The following CNDP1 variants were observed in gnomAD, a reference collection of about 807,000 sequenced individuals.
The protein encoded by CNDP1 is beta-Ala-His dipeptidase.
CNDP1 carries 44 observed loss-of-function variants against 58.1 expected under a neutral mutation model. That is an observed-to-expected ratio of 0.76 (90% CI 0.60 to 0.97). CNDP1 has a LOEUF of 0.97. Among genes scored for constraint, CNDP1 ranks in the 50% least tolerant of loss-of-function variants. CNDP1 has a pLI of 0.00. For synonymous variants in CNDP1, 254 were observed against 252.6 expected, an observed-to-expected ratio of 1.01 and a Z score of -0.05; for missense variants, 616 against 655.1, an observed-to-expected ratio of 0.94 and a Z score of 0.65.
rs558031914 is a variant in CNDP1, at chr18:74,534,607, T to G, written c.-61T>G. ...CACCCTCTTGGGGCTTTCATGGGACTCCCTCTGCCACATTTTTTGGAGGTT... is the reference window on the plus strand; with the variant it reads ...CACCCTCTTGGGGCTTTCATGGGACGCCCTCTGCCACATTTTTTGGAGGTT... On this transcript the variant is annotated 5_prime_UTR_variant, in exon 1 of 12. Transcript: ENST00000358821. The G allele has an allele frequency of 4.5e-4, 710 of 1,581,696 alleles. 3 individuals are homozygous for G. The South Asian group carries it at 7.4e-3, about 17-fold the overall frequency.
intron 2 of CNDP1, among the ~76,000 whole-genome samples, chr18:74,557,962 T>G (rs2144653791): frequency 6.6e-6 from 1 of 152,324 alleles, no homozygotes; most frequent in Admixed American, 6.5e-5. Context: ...TTAATCCTGG[T>G]TTAGGCCTTT....
Position 74,585,603 on chromosome 18 carries a change from A to C in CNDP1, c.*1041A>C, listed in dbSNP as rs1471876807. 1 of 152,230 alleles carries C rather than the reference A, an allele frequency of 6.6e-6. No homozygotes were observed. Among genetic ancestry groups the C allele is most frequent in the Non-Finnish European group, 1.5e-5 (1 of 68,044 alleles). 9.4% of individuals were successfully genotyped at this position (152,230 alleles called of 1,614,324 possible). Reference sequence around the variant, plus strand: ...ATTTTTCTACAGTTGAGTGTATATAAACAAAATCAATCTTTATGAATTTAT... The same window carrying C: ...ATTTTTCTACAGTTGAGTGTATATACACAAAATCAATCTTTATGAATTTAT... On this transcript the variant is annotated 3_prime_UTR_variant, in exon 12 of 12. Transcript: ENST00000358821.
intron 4 of CNDP1, chr18:74,561,283 G>A (rs576792780): frequency 2.2e-5 from 7 of 315,472 alleles, no homozygotes; most frequent in South Asian, 5.6e-5. Flanking sequence ...GGGCATGGTC[G>A]TGGGCGCCTG....
chr18:74,560,880 A>G lies in CNDP1; in HGVS notation c.328A>G (p.Ile110Val). The change falls in exon 4 of 12, where the codon ATA becomes GTA. Residue 110 changes from isoleucine (I) to valine (V), a missense_variant. Transcript: ENST00000358821. ...QQLPDGQSLP[I>V]PPVILAELGS... ...GCTGCCCGATGGTCAGAGTCTTCCA[A>G]TACCTCCCGTCATCCTGGCCGAACT... The G allele has an allele frequency of 1.9e-6, 3 of 1,614,052 alleles. No homozygotes were observed. The highest frequency in any genetic ancestry group is 2.5e-6 in the Non-Finnish European group (3 of 1,179,952).
chr18:74,561,463 C>A (rs371911042), intron 4 of CNDP1: 4 of 154,488 alleles, frequency 2.6e-5, no homozygotes, highest in African/African-American at 9.7e-5. Context: ...CAAAGTCTAC[C>A]GATCGGTTCA....
intron 1 of CNDP1, among the ~76,000 whole-genome samples, chr18:74,549,569 T>G (rs1011281941): frequency 1.3e-5 from 2 of 152,136 alleles, no homozygotes; most frequent in African/African-American, 4.8e-5. Flanking sequence ...TTTGGGAAAT[T>G]TTCAGCCTGG....
At position 74,559,258 on chromosome 18, in the gene CNDP1, T is replaced by C. The variant is rs958436122; in HGVS notation, c.154-65T>C. ...GGGACTCGCTGTCTCCTGCCCTCCC[T>C]TCGCTCCCCCCGCAGAGCAGATGTG... On this transcript the variant is annotated intron_variant, in intron 2 of 11. Coordinates refer to ENST00000358821, the MANE Select transcript of CNDP1 (RefSeq NM_032649.6). 1.9e-6 allele frequency: 3 copies of C among 1,565,908 alleles called. No homozygotes were observed. In the African/African-American group the frequency reaches 4.1e-5, roughly 21 times the overall value.
chr18:74,556,330 C>A lies in CNDP1; in HGVS notation c.25-8C>A. The A allele has an allele frequency of 6.2e-7, 1 of 1,610,878 alleles. No homozygotes were observed. Among genetic ancestry groups the A allele is most frequent in the South Asian group, 1.1e-5 (1 of 90,466 alleles). The stretch of plus-strand genomic sequence containing the variant: ...TTCATTCGTTCCTCCCATGTCAAAC[C>A]CTTCCAGGCTGCGTCCCTGCTGGCT... On this transcript the variant is annotated splice_region_variant and splice_polypyrimidine_tract_variant and intron_variant, in intron 1 of 11. Transcript: ENST00000358821.
chr18:74,543,011 T>C (rs1980663953), intron 1 of CNDP1, among the ~76,000 whole-genome samples: 1 of 152,208 alleles, frequency 6.6e-6, no homozygotes, highest in Non-Finnish European at 1.5e-5. Flanking sequence ...AAGACATGCC[T>C]TAAGAAAAAT....
rs144622039 is a variant in CNDP1, at chr18:74,567,407, C to G, written c.730C>G (p.Arg244Gly). ...GAAGCCAGCAATCACTTACGGAACC[C>G]GGGGGAACAGCTACTTCATGGTGGA... is the stretch of plus-strand genomic sequence containing the variant. Reference protein sequence around the residue: ...QRKPAITYGTRGNSYFMVEVK... With the variant: ...QRKPAITYGTGGNSYFMVEVK... The change falls in exon 6 of 12, where the codon CGG (arginine) becomes GGG (glycine). Residue 244 changes from arginine to glycine, a missense_variant. Coordinates refer to ENST00000358821, the MANE Select transcript of CNDP1 (RefSeq NM_032649.6). The G allele has an allele frequency of 6.8e-6, 11 of 1,613,662 alleles. No homozygotes were observed. The highest frequency in any genetic ancestry group is 6.8e-6 in the Non-Finnish European group (8 of 1,179,736).
chr18:74,546,336 G>A (rs993975760), intron 1 of CNDP1, among the ~76,000 whole-genome samples: 5 of 152,132 alleles, frequency 3.3e-5, no homozygotes, highest in Non-Finnish European at 7.4e-5. Context: ...CTGACACTGC[G>A]AGCTTTCTCT....
In CNDP1 at chr18:74,583,562, G is replaced by GT. The variant is rs1981838486; in HGVS notation, c.1314dup (p.Gly439TrpfsTer36). 6.2e-7 allele frequency: 1 copy of GT among 1,613,860 alleles called. No individual in the cohort carries two copies. Among genetic ancestry groups the GT allele is most frequent in the Admixed American group, 1.7e-5 (1 of 59,986 alleles). ...AAATGCCTTCTTTTCCTGTCTCAGT[G>GT]TTTGGAACAGAACCAGATATGATCC... is the stretch of plus-strand genomic sequence containing the variant. On this transcript the variant is annotated frameshift_variant and splice_region_variant, in exon 11 of 12. Coordinates refer to ENST00000358821, the MANE Select transcript of CNDP1 (RefSeq NM_032649.6). LOFTEE classifies it high-confidence loss of function.
rs1454524362 is a variant in CNDP1 at position 74,567,336 on chromosome 18, G to T, written c.659G>T (p.Gly220Val). ...VEKEKDRFFS[G>V]VDYIVISDNL... Reference sequence around the variant, plus strand: ...AAAGAAAAGGACCGATTCTTCTCTGGTGTGGACTACATTGTAATTTCAGAT... The same window carrying T: ...AAAGAAAAGGACCGATTCTTCTCTGTTGTGGACTACATTGTAATTTCAGAT... The change falls in exon 6 of 12, where the codon GGT becomes GTT. Residue 220 changes from glycine (G) to valine (V), a missense_variant. By Grantham distance (109) the Gly-to-Val change is moderately radical. Transcript: ENST00000358821. 5 of 1,614,114 alleles carry T rather than the reference G, an allele frequency of 3.1e-6. No homozygotes were observed. Among genetic ancestry groups the T allele is most frequent in the Non-Finnish European group, 3.4e-6 (4 of 1,179,974 alleles).
intron 7 of CNDP1, among the ~76,000 whole-genome samples, chr18:74,573,515 A>G (rs539852913): frequency 5.9e-5 from 9 of 152,268 alleles, no homozygotes; most frequent in African/African-American, 2.2e-4. Context: ...TTCCTGAAAT[A>G]TAGCTCTTGG....
chr18:74,561,033 C>A lies in CNDP1; in HGVS notation c.466+15C>A. ...GGAGGTAGACGGTCAGTGAGGCGCC[C>A]GGGCTACAGTGCGGTGCTGCTGTGC... On this transcript the variant is annotated intron_variant, in intron 4 of 11. Transcript: ENST00000358821. The A allele has an allele frequency of 6.2e-7, 1 of 1,608,610 alleles. No homozygotes were observed.
At chr18:74,554,225 G>A (rs1055779898) in intron 1 of CNDP1, among the ~76,000 whole-genome samples, 3 of 152,140 alleles carry the variant, frequency 2.0e-5, no homozygotes, top group South Asian at 2.1e-4. Flanking sequence ...GGTTCTCTGT[G>A]GTCACTCAGA....
intron 9 of CNDP1, among the ~76,000 whole-genome samples, chr18:74,578,554 G>T (rs1000303805): frequency 2.6e-5 from 4 of 152,046 alleles, no homozygotes; most frequent in Admixed American, 6.5e-5. Flanking sequence ...TTAAGCCCAG[G>T]GGTTTAAGGC....
At chr18:74,555,884 C>T (rs1981024516) in intron 1 of CNDP1, among the ~76,000 whole-genome samples, 2 of 152,148 alleles carry the variant, frequency 1.3e-5, no homozygotes, top group Non-Finnish European at 2.9e-5. Context: ...AAAGAAACCC[C>T]ACAACACTGG....
chr18:74,559,331 G>A lies in CNDP1; in HGVS notation c.162G>A (p.Lys54=). 1.2e-6 allele frequency: 2 copies of A among 1,614,128 alleles called. No homozygotes were observed. Among genetic ancestry groups the A allele is most frequent in the South Asian group, 1.1e-5 (1 of 91,080 alleles). ...CTTGCTCTTCCTCCTAGACGCTGAA[G>A]GAGTGGGTGGCCATCGAGAGCGACT... ...LHQDEFVQTL[K]EWVAIESDSV... Residue 54 remains lysine (K), a synonymous_variant, in exon 3 of 12, where the codon AAG becomes AAA. Coordinates refer to ENST00000358821, the MANE Select transcript of CNDP1 (RefSeq NM_032649.6).
Sources: gnomAD v4.1 joint callset for allele counts (sites outside exome capture counted in the v4.1 genomes callset) on GRCh38, gnomAD v4.1.1 for gene constraint, MANE v1.5 for transcripts, NCBI Gene and HGNC (gene_info 2026-07-23, HGNC 2026-07-21) for gene names.